The following ZNF326 variants were observed in gnomAD, a reference collection of about 807,000 sequenced individuals.
ZNF326 encodes DBIRD complex subunit ZNF326.
In ZNF326, 30 loss-of-function variants were observed where a neutral mutation model predicts 63.1. The ratio of observed to expected loss-of-function variants is 0.48; its 90% CI spans 0.36 to 0.64. ZNF326 has a LOEUF of 0.64. Among genes scored for constraint, ZNF326 ranks in the 30% least tolerant of loss-of-function variants. ZNF326 has a pLI of 0.00. For missense variants in ZNF326, 609 were observed against 720.3 expected (o/e 0.85, Z 1.77); for synonymous variants, 194 against 228.2 (o/e 0.85, Z 1.35).
chr1:90,005,581 T>C (rs1295122238), intron 4 of ZNF326: 1 of 904,622 alleles, frequency 1.1e-6, no homozygotes. Context: ...ATTGAAAATA[T>C]TATTTATGAA....
Position 90,005,183 on chromosome 1 carries a change from G to A in ZNF326, c.148G>A (p.Asp50Asn). ...HGSYGGQRSM[D>N]SYLNQSYGMD... The stretch of plus-strand genomic sequence containing the variant: ...ATCCTATGGGGGTCAGAGATCCATG[G>A]ATTCCTACCTAAACCAGTCATATGG... The change falls in exon 4 of 12, where the codon GAT (aspartate) becomes AAT (asparagine). Residue 50 changes from aspartate (D) to asparagine (N), a missense_variant. Asp to Asn is a conservative substitution (Grantham distance 23). Coordinates refer to ENST00000340281, the MANE Select transcript of ZNF326 (RefSeq NM_182976.4). 6.2e-7 allele frequency: 1 copy of A among 1,613,988 alleles called. No individual in the cohort carries two copies. Among genetic ancestry groups the A allele is most frequent in the Non-Finnish European group, 8.5e-7 (1 of 1,179,968 alleles).
At chr1:90,002,950 A>G (rs973670890) in intron 2 of ZNF326, among the ~76,000 whole-genome samples, 7 of 152,188 alleles carry the variant, frequency 4.6e-5, no homozygotes, top group Admixed American at 1.3e-4. Context: ...TTAAAAAATC[A>G]TATTCAGTGA....
intron 5 of ZNF326, among the ~76,000 whole-genome samples, chr1:90,008,160 TA>T (rs1649077493): frequency 1.3e-5 from 2 of 152,234 alleles, no homozygotes; most frequent in Non-Finnish European, 2.9e-5. Context: ...ACTTTGTGGC[TA>T]AACTCTAGCA....
At chr1:90,006,274 C>CT (rs1648982227) in intron 4 of ZNF326, 1 of 981,496 alleles carries the variant, frequency 1.0e-6, no homozygotes, top group African/African-American at 1.8e-5. Flanking sequence ...AGAAGTAAAT[C>CT]TATTTAGTGA....
chr1:90,003,217 A>T (rs1226025640), intron 2 of ZNF326, among the ~76,000 whole-genome samples: 1 of 145,160 alleles, frequency 6.9e-6, no homozygotes, highest in African/African-American at 2.6e-5. Context: ...TGCAAGCTCC[A>T]CCTCCTGGGT....
Position 90,032,048 on chromosome 1 carries a change from A to C in ZNF326, c.*4347A>C, listed in dbSNP as rs1162236829. Reference sequence around the variant, plus strand: ...TTTGGTATTCAAACAAATCCAGGGAATCTGCAAGGCTGAAGGGCAGATTCT... The same window carrying C: ...TTTGGTATTCAAACAAATCCAGGGACTCTGCAAGGCTGAAGGGCAGATTCT... On this transcript the variant is annotated 3_prime_UTR_variant, in exon 12 of 12. Transcript: ENST00000340281. The C allele has an allele frequency of 2.0e-5, 3 of 152,218 alleles. No homozygotes were observed. Among genetic ancestry groups the C allele is most frequent in the Non-Finnish European group, 4.4e-5 (3 of 68,046 alleles). The allele number at this position is 152,218 out of a possible 1,614,324, so 9.4% of individuals were successfully genotyped here.
chr1:90,000,703 G>T (rs191638361), intron 2 of ZNF326, among the ~76,000 whole-genome samples: 1 of 152,104 alleles, frequency 6.6e-6, no homozygotes, highest in East Asian at 1.9e-4. Context: ...AGACCTTAAC[G>T]CTGGCTTGAC....
chr1:90,013,175 T>C lies in ZNF326; in HGVS notation c.864T>C (p.Ala288=). The C allele has an allele frequency of 1.9e-6, 3 of 1,613,218 alleles. No homozygotes were observed. The highest frequency in any genetic ancestry group is 1.1e-5 in the South Asian group (1 of 90,928). The change falls in exon 7 of 12, where the codon GCT becomes GCC. Residue 288 remains alanine, a synonymous_variant. Transcript: ENST00000340281. The part of the protein sequence containing the change: ...NEEEEKRRIE[A]RREKQRRRRE... Reference sequence around the variant, plus strand: ...AGGAAGAAAAGCGGCGAATTGAGGCTCGGCGAGAGAAACAAAGGCGCAGAA... The same window carrying C: ...AGGAAGAAAAGCGGCGAATTGAGGCCCGGCGAGAGAAACAAAGGCGCAGAA...
chr1:90,018,163 G>A (rs1375809867), intron 8 of ZNF326, among the ~76,000 whole-genome samples: 2 of 151,840 alleles, frequency 1.3e-5, no homozygotes, highest in Admixed American at 6.6e-5. Flanking sequence ...GTGGTGGCGC[G>A]TGCCTGTAAT....
chr1:90,027,123 T>A (rs1442670175), intron 11 of ZNF326, among the ~76,000 whole-genome samples: 2 of 152,122 alleles, frequency 1.3e-5, no homozygotes, highest in East Asian at 3.9e-4. Flanking sequence ...GGGGAAAATA[T>A]GACCTTTAAG....
In ZNF326 at chr1:90,030,700, T is replaced by G. The variant is rs1188251899; in HGVS notation, c.*2999T>G. The G allele has an allele frequency of 6.6e-6, 1 of 151,928 alleles. No homozygotes were observed. Among genetic ancestry groups the G allele is most frequent in the African/African-American group, 2.4e-5 (1 of 41,360 alleles). 9.4% of individuals were successfully genotyped at this position (151,928 alleles called of 1,614,324 possible). A position where few individuals can be genotyped will look rare whatever the true frequency, so the allele number is the denominator to read the frequency against. On this transcript the variant is annotated 3_prime_UTR_variant, in exon 12 of 12. Coordinates refer to ENST00000340281, the MANE Select transcript of ZNF326 (RefSeq NM_182976.4). Reference sequence around the variant, plus strand: ...TTTTTTTTTTCTTTAGGTTCTGTCTTTGTCATGCAGGCTGGAATTCAGTGG... The same window carrying G: ...TTTTTTTTTTCTTTAGGTTCTGTCTGTGTCATGCAGGCTGGAATTCAGTGG...
At chr1:90,008,361 A>T (rs951318196) in intron 5 of ZNF326, among the ~76,000 whole-genome samples, 2 of 152,022 alleles carry the variant, frequency 1.3e-5, no homozygotes, top group African/African-American at 4.8e-5. Flanking sequence ...TGGTTGTTTT[A>T]TTTTCCCTCG....
intron 6 of ZNF326, among the ~76,000 whole-genome samples, chr1:90,011,940 G>A (rs570665157): frequency 6.6e-6 from 1 of 152,218 alleles, no homozygotes; most frequent in South Asian, 2.1e-4. Flanking sequence ...GGGTTCAAGC[G>A]ATTCTCGTTC....
intron 7 of ZNF326, among the ~76,000 whole-genome samples, 175 bp from the exon 8 acceptor site, chr1:90,017,142 C>T (rs888833263): frequency 6.6e-6 from 1 of 152,094 alleles, no homozygotes; most frequent in Non-Finnish European, 1.5e-5. Flanking sequence ...GGGTACTGTC[C>T]AAATATGTAC....
In ZNF326 at chr1:90,027,771, T is replaced by C; in HGVS notation, c.*70T>C. 6.9e-7 allele frequency: 1 copy of C among 1,444,558 alleles called. No homozygotes were observed. The highest frequency in any genetic ancestry group is 9.6e-7 in the Non-Finnish European group (1 of 1,039,778). The allele number at this position is 1,444,558 out of a possible 1,614,324, so 89.5% of individuals were successfully genotyped here. ...ATGTAAAAAAGGGTAAGAAATTTAA[T>C]AGCTTAAAATATGAATTAACACCCA... On this transcript the variant is annotated 3_prime_UTR_variant, in exon 12 of 12. Transcript: ENST00000340281.
In ZNF326 at chr1:90,027,607, G is replaced by A. The variant is rs867732494; in HGVS notation, c.1655G>A (p.Gly552Glu). The change falls in exon 12 of 12, where the codon GGA (glycine) becomes GAA (glutamate). Residue 552 changes from glycine (G) to glutamate (E), a missense_variant. Gly to Glu is a moderately conservative substitution (Grantham distance 98). This residue lies in a region of ZNF326 where 399 missense variants were observed against 444.3 expected (regional missense o/e 0.90). Transcript: ENST00000340281. ...GEVGVVGEVE[G>E]VGEVEEVEEL... ...GTAGGGGTAGTGGGAGAAGTAGAGG[G>A]AGTGGGGGAAGTAGAGGAAGTAGAG... The A allele has an allele frequency of 6.2e-7, 1 of 1,612,902 alleles. No homozygotes were observed. Among genetic ancestry groups the A allele is most frequent in the Non-Finnish European group, 8.5e-7 (1 of 1,179,486 alleles).
Position 89,995,270 on chromosome 1 carries a change from G to T in ZNF326, c.13G>T (p.Asp5Tyr). 1 of 1,555,026 alleles carries T rather than the reference G, an allele frequency of 6.4e-7. No individual in the cohort carries two copies. Among genetic ancestry groups the T allele is most frequent in the South Asian group, 1.2e-5 (1 of 83,988 alleles). ...CTCAGCCTCTGCCATGGACTTCGAG[G>T]ACGGTAAGCGCTGCCTCTGGCTGGT... MDFEDDYTHSACRNT... is the reference protein window; with the variant it reads MDFEYDYTHSACRNT... The change falls in exon 1 of 12, where the codon GAC becomes TAC. Residue 5 changes from aspartate (D) to tyrosine (Y), a missense_variant. Coordinates refer to ENST00000340281, the MANE Select transcript of ZNF326 (RefSeq NM_182976.4).
At chr1:89,995,859 G>C (rs1648340091) in intron 1 of ZNF326, among the ~76,000 whole-genome samples, 1 of 152,198 alleles carries the variant, frequency 6.6e-6, no homozygotes, top group East Asian at 1.9e-4. Context: ...GTAAACTGGG[G>C]TGTTTATCAC....
At chr1:90,016,835 C>T (rs1649526564) in intron 7 of ZNF326, among the ~76,000 whole-genome samples, 1 of 152,156 alleles carries the variant, frequency 6.6e-6, no homozygotes, top group Admixed American at 6.5e-5. Flanking sequence ...TATTAGTTAT[C>T]CCTAAGTGAA....
Sources: allele counts gnomAD v4.1 joint callset (sites outside exome capture counted in the v4.1 genomes callset), GRCh38; gene constraint gnomAD v4.1.1; regional missense constraint gnomAD v4.1.1; transcripts MANE v1.5; gene names NCBI Gene and HGNC (gene_info 2026-07-23, HGNC 2026-07-21).